Variants in PDCD11 observed in about 807,000 individuals in gnomAD.
The protein encoded by PDCD11 is programmed cell death 11.
Under a neutral mutation model 198.9 loss-of-function variants are expected in PDCD11, and 97 were observed. The observed-to-expected ratio is 0.49, with a 90% CI of 0.41 to 0.58. The LOEUF is 0.58. Among genes scored for constraint, PDCD11 ranks in the 20% least tolerant of loss-of-function variants. The pLI, the probability that PDCD11 is intolerant of heterozygous loss-of-function variation, is 0.00. For missense variants in PDCD11, 2,102 were observed against 2,312.7 expected, an observed-to-expected ratio of 0.91 and a Z score of 1.87; for synonymous variants, 893 against 918.0, an observed-to-expected ratio of 0.97 and a Z score of 0.49.
intron 2 of PDCD11, among the ~76,000 whole-genome samples, chr10:103,399,298 C>T (rs1197256007): frequency 1.3e-5 from 2 of 152,010 alleles, no homozygotes; most frequent in Non-Finnish European, 2.9e-5. Context: ...GATCTGCTCA[C>T]CTTGACCTCC....
At position 103,443,331 on chromosome 10, in the gene PDCD11, C is replaced by T; in HGVS notation, c.5122C>T (p.Gln1708Ter). ...ADIYAKSEKF[Q>*]EAGELYNRML... ...CATCTACGCCAAGTCAGAGAAATTCCAGGTAGGAGGTTGGGCCACAGACGA... is the reference window on the plus strand; with the variant it reads ...CATCTACGCCAAGTCAGAGAAATTCTAGGTAGGAGGTTGGGCCACAGACGA... The change falls in exon 33 of 36, where the codon CAG becomes TAG. Residue 1708 changes from glutamine (Q) to a stop codon, truncating the protein, a stop_gained and splice_region_variant. Transcript: ENST00000369797. LOFTEE classifies it high-confidence loss of function. 1 of 1,603,406 alleles carries T rather than the reference C, an allele frequency of 6.2e-7. No individual in the cohort carries two copies. Among genetic ancestry groups the T allele is most frequent in the South Asian group, 1.1e-5 (1 of 90,186 alleles).
At chr10:103,398,553 C>T (rs1255724618) in intron 2 of PDCD11, 25 bp downstream of exon 2, 1 of 1,432,580 alleles carries the variant, frequency 7.0e-7, no homozygotes. Context: ...TGTTTGGTGA[C>T]ACTCACTGGA....
chr10:103,399,241 G>C (rs1035713388), intron 2 of PDCD11, among the ~76,000 whole-genome samples: 1 of 151,832 alleles, frequency 6.6e-6, no homozygotes, highest in African/African-American at 2.4e-5. Context: ...TTAGAGATGG[G>C]GTTTCACCAT....
At chr10:103,420,661 GA>G (rs59799989) in intron 16 of PDCD11, among the ~76,000 whole-genome samples, 2,184 of 152,218 alleles carry the variant, frequency 0.014, 47 homozygotes, top group African/African-American at 0.048. Flanking sequence ...TTTTGCCTGG[GA>G]AAATCTCATT....
chr10:103,430,967 T>G (rs1410376755), intron 21 of PDCD11, among the ~76,000 whole-genome samples: 2 of 151,984 alleles, frequency 1.3e-5, no homozygotes, highest in Non-Finnish European at 2.9e-5. Context: ...CCCAGCTAAT[T>G]TTTTGTATTT....
At chr10:103,406,426 G>T (rs1303176292) in intron 6 of PDCD11, among the ~76,000 whole-genome samples, 183 bp from the exon 7 acceptor site, 2 of 152,182 alleles carry the variant, frequency 1.3e-5, no homozygotes, top group Admixed American at 1.3e-4. Flanking sequence ...TTGAATTCCA[G>T]ATCAATTAGG....
intron 6 of PDCD11, among the ~76,000 whole-genome samples, chr10:103,406,374 CT>C (rs2030449104): frequency 6.6e-6 from 1 of 152,160 alleles, no homozygotes; most frequent in Non-Finnish European, 1.5e-5. Flanking sequence ...CCCATGGCTT[CT>C]GAACCAGCAG....
chr10:103,421,641 T>A, intron 17 of PDCD11, 74 bp downstream of exon 17: 2 of 1,247,222 alleles, frequency 1.6e-6, no homozygotes, highest in Non-Finnish European at 2.3e-6. Flanking sequence ...TGTTGTTAGG[T>A]GAGTTGTTGG....
chr10:103,427,486 G>A (rs929649822), intron 21 of PDCD11, 95 bp downstream of exon 21: 1 of 1,082,740 alleles, frequency 9.2e-7, no homozygotes, highest in Admixed American at 2.3e-5. Flanking sequence ...CCAGTGTTAG[G>A]ATTGATTTTT....
chr10:103,415,495 C>T (rs980124989), intron 12 of PDCD11, among the ~76,000 whole-genome samples: 1 of 152,176 alleles, frequency 6.6e-6, no homozygotes, highest in Admixed American at 6.5e-5. Context: ...AACAGGACTG[C>T]CACGAACAGG....
At chr10:103,407,658 C>A (rs2030541950) in intron 7 of PDCD11, among the ~76,000 whole-genome samples, 1 of 152,216 alleles carries the variant, frequency 6.6e-6, no homozygotes, top group East Asian at 1.9e-4. Flanking sequence ...GATCCTCCCA[C>A]CCTGGCCTCC....
At chr10:103,412,376 A>G (rs1034787248) in intron 8 of PDCD11, among the ~76,000 whole-genome samples, 14 of 151,954 alleles carry the variant, frequency 9.2e-5, no homozygotes, top group African/African-American at 2.4e-4. Flanking sequence ...GCTGGAGTGC[A>G]GTGGCGTGAT....
At position 103,445,722 on chromosome 10, in the gene PDCD11, C is replaced by A; in HGVS notation, c.*173C>A. On this transcript the variant is annotated 3_prime_UTR_variant, in exon 36 of 36. Coordinates refer to ENST00000369797, the MANE Select transcript of PDCD11 (RefSeq NM_014976.2). ...AAAGGAAGTTGAGATTTTTTAAATC[C>A]CTCTTCGCTTGCTTTATTTTCAGTA... 2 of 583,038 alleles carry A rather than the reference C, an allele frequency of 3.4e-6. No individual in the cohort carries two copies. The highest frequency in any genetic ancestry group is 6.1e-6 in the Non-Finnish European group (2 of 329,666). The allele number at this position is 583,038 out of a possible 1,614,324, so 36.1% of individuals were successfully genotyped here.
chr10:103,428,501 T>C (rs971696472), intron 21 of PDCD11, among the ~76,000 whole-genome samples: 1 of 152,178 alleles, frequency 6.6e-6, no homozygotes, highest in Non-Finnish European at 1.5e-5. Context: ...CTCCAGTCTT[T>C]GTTGGAAAAA....
chr10:103,408,753 T>C (rs998748372), intron 7 of PDCD11, among the ~76,000 whole-genome samples: 1 of 152,150 alleles, frequency 6.6e-6, no homozygotes, highest in Admixed American at 6.5e-5. Context: ...TTGGCCAGGC[T>C]GGTCTCAAAC....
chr10:103,412,565 C>T (rs922116042), intron 8 of PDCD11, among the ~76,000 whole-genome samples: 9 of 152,164 alleles, frequency 5.9e-5, no homozygotes, highest in Non-Finnish European at 1.3e-4. Flanking sequence ...CGTGATCTGC[C>T]TGCTGCCTGC....
Position 103,414,723 on chromosome 10 carries a change from C to T in PDCD11, c.1372-282C>T, listed in dbSNP as rs538278416. On this transcript the variant is annotated intron_variant, in intron 11 of 35. Transcript: ENST00000369797. Reference sequence around the variant, plus strand: ...CTCCCTTTATATGTAGAGTTTATTCCTTAGGAGACCTTGACATAGTCCCTT... The same window carrying T: ...CTCCCTTTATATGTAGAGTTTATTCTTTAGGAGACCTTGACATAGTCCCTT... Among the ~76,000 whole-genome samples, 5 of 152,306 alleles carry T rather than the reference C, an allele frequency of 3.3e-5. No individual in the cohort carries two copies. In the South Asian group the frequency reaches 1.0e-3, roughly 32 times the overall value.
intron 7 of PDCD11, among the ~76,000 whole-genome samples, chr10:103,408,975 G>T (rs557735906): frequency 6.6e-6 from 1 of 152,306 alleles, no homozygotes; most frequent in African/African-American, 2.4e-5. Flanking sequence ...CTCCACCCAC[G>T]AGGGTCTAAG....
chr10:103,438,781 C>T lies in PDCD11; in HGVS notation c.3998C>T (p.Ser1333Phe). 6.2e-7 allele frequency: 1 copy of T among 1,614,112 alleles called. No homozygotes were observed. Among genetic ancestry groups the T allele is most frequent in the Non-Finnish European group, 8.5e-7 (1 of 1,180,026 alleles). ...EGQLLRGYVG[S>F]IQPHGVFFRL... ...CAGCTTCTGAGGGGCTATGTAGGGT[C>T]CATCCAGCCACACGGTGTGTTCTTT... The change falls in exon 27 of 36, where the codon TCC becomes TTC. Residue 1333 changes from serine (S) to phenylalanine (F), a missense_variant. By Grantham distance (155) the Ser-to-Phe change is radical (BLOSUM62 -2). Coordinates refer to ENST00000369797, the MANE Select transcript of PDCD11 (RefSeq NM_014976.2).
Sources: allele counts gnomAD v4.1 joint callset (sites outside exome capture counted in the v4.1 genomes callset), GRCh38; gene constraint gnomAD v4.1.1; transcripts MANE v1.5; gene names NCBI Gene and HGNC (gene_info 2026-07-23, HGNC 2026-07-21).